The following CRHR2 variants were observed in gnomAD, a reference collection of about 807,000 sequenced individuals.
CRHR2 encodes the protein corticotropin releasing hormone receptor 2.
A neutral mutation model predicts 57.9 loss-of-function variants in CRHR2; 53 were observed. That is an observed-to-expected ratio of 0.92 (90% CI 0.73 to 1.15). CRHR2 has a LOEUF of 1.15. Among genes scored for constraint, CRHR2 ranks in the 50% most tolerant of loss-of-function variants. The probability of loss-of-function intolerance (pLI) is 0.00; values close to 1 mark genes in which losing one functional copy is unlikely to be tolerated. For missense variants in CRHR2, 532 were observed against 542.6 expected (o/e 0.98, Z 0.19); for synonymous variants, 213 against 220.9 (o/e 0.96, Z 0.32).
At chr7:30,689,292 A>T (rs255100) in intron 1 of CRHR2, 879,263 of 1,548,616 alleles carry the variant, frequency 0.57, 260,049 homozygotes, top group Non-Finnish European at 0.61. Flanking sequence ...TGCCTAGGGG[A>T]CAGCAAGGAT....
chr7:30,671,375 G>C (rs1784346410), intron 2 of CRHR2, among the ~76,000 whole-genome samples: 1 of 152,156 alleles, frequency 6.6e-6, no homozygotes, highest in African/African-American at 2.4e-5. Flanking sequence ...GGGACCATGA[G>C]GGACTACTTT....
intron 6 of CRHR2, 92 bp from the exon 7 acceptor site, chr7:30,662,308 C>A: frequency 6.9e-7 from 1 of 1,441,628 alleles, no homozygotes; most frequent in Non-Finnish European, 9.7e-7. Context: ...GGGCTAGGAT[C>A]ATGTTTTTAC....
chr7:30,660,696 C>A (rs1490909631), intron 7 of CRHR2, 51 bp from the exon 8 acceptor site: 1 of 1,527,612 alleles, frequency 6.5e-7, no homozygotes, highest in South Asian at 1.2e-5. Flanking sequence ...AACTGGGGGA[C>A]CCCCACAGAC....
intron 2 of CRHR2, among the ~76,000 whole-genome samples, chr7:30,681,693 G>A (rs1223165481): frequency 6.6e-6 from 1 of 152,220 alleles, no homozygotes; most frequent in Non-Finnish European, 1.5e-5. Flanking sequence ...ATGGAGCACG[G>A]GAATTGTGGG....
chr7:30,671,654 AAAAAT>A (rs1361871011), intron 2 of CRHR2, among the ~76,000 whole-genome samples: 2 of 149,896 alleles, frequency 1.3e-5, no homozygotes, highest in Non-Finnish European at 3.0e-5. Flanking sequence ...AAAAAAAAAA[AAAAAT>A]AGCCAGGCGT....
intron 8 of CRHR2, 123 bp downstream of exon 8, chr7:30,660,450 G>A: frequency 1.0e-6 from 1 of 955,334 alleles, no homozygotes; most frequent in African/African-American, 1.6e-5. Flanking sequence ...GGGTACGGGG[G>A]TGGCATATAG....
intron 2 of CRHR2, among the ~76,000 whole-genome samples, chr7:30,670,788 G>GGGTGCCCATTACCATAGCAACACA (rs1784331509): frequency 6.6e-6 from 1 of 152,240 alleles, no homozygotes; most frequent in South Asian, 2.1e-4. Context: ...GCAGAGAGGT[G>GGGTGCCCATTACCATAGCAACACA]GGTGCCCATT....
Position 30,662,597 on chromosome 7 carries a change from C to T in CRHR2, c.697+97G>A, listed in dbSNP as rs1784047119. 8.9e-6 allele frequency: 13 copies of T among 1,454,524 alleles called. No homozygotes were observed. In the South Asian group the frequency reaches 1.3e-4, roughly 15 times the overall value. The allele number at this position is 1,454,524 out of a possible 1,614,324, so 90.1% of individuals were successfully genotyped here. On this transcript the variant is annotated intron_variant, in intron 6 of 11. Coordinates refer to ENST00000471646, the MANE Select transcript of CRHR2 (RefSeq NM_001883.5). ...ACCGGACTGCGCTGGGGGTGGAGGG[C>T]AGGGCCAGGCTCTGGTCCTTGGACC...
intron 2 of CRHR2, among the ~76,000 whole-genome samples, chr7:30,677,397 G>A (rs976514501): frequency 6.6e-6 from 1 of 152,124 alleles, no homozygotes; most frequent in Non-Finnish European, 1.5e-5. Flanking sequence ...TGGAATATAA[G>A]TGCCCCACTT....
At position 30,656,077 on chromosome 7, in the gene CRHR2, A is replaced by T; in HGVS notation, c.832-65T>A. ...GAGCACGTGTTTGAGATGAGCCGAG[A>T]GGCAGCCCCCTTCCCCGCAGACCCC... is the stretch of plus-strand genomic sequence containing the variant. On this transcript the variant is annotated intron_variant, in intron 8 of 11. Coordinates refer to ENST00000471646, the MANE Select transcript of CRHR2 (RefSeq NM_001883.5). The surrounding 1 kb of genome is among the most constrained non-coding windows in gnomAD (Gnocchi z 4.4). 6.7e-7 allele frequency: 1 copy of T among 1,490,980 alleles called. No individual in the cohort carries two copies. Among genetic ancestry groups the T allele is most frequent in the Non-Finnish European group, 9.3e-7 (1 of 1,071,886 alleles). The allele number at this position is 1,490,980 out of a possible 1,614,324, so 92.4% of individuals were successfully genotyped here.
chr7:30,693,084 C>G (rs255106), intron 1 of CRHR2, among the ~76,000 whole-genome samples: 68,259 of 152,128 alleles, frequency 0.45, 18,764 homozygotes, highest in Non-Finnish European at 0.62. Context: ...AGGCAGACAC[C>G]TGGGTCACGG....
chr7:30,681,783 T>C (rs1285738071), intron 2 of CRHR2, 132 bp downstream of exon 2: 2 of 1,366,012 alleles, frequency 1.5e-6, no homozygotes, highest in East Asian at 5.4e-5. Flanking sequence ...TAAGGGGTCC[T>C]TAACGCCCGC....
intron 1 of CRHR2, among the ~76,000 whole-genome samples, chr7:30,694,118 G>T (rs1198945540): frequency 6.6e-6 from 1 of 152,238 alleles, no homozygotes; most frequent in Non-Finnish European, 1.5e-5. Flanking sequence ...CTGACTGACT[G>T]CTTGGATGGA....
At chr7:30,667,139 T>G in intron 3 of CRHR2, 89 bp downstream of exon 3, 2 of 1,164,080 alleles carry the variant, frequency 1.7e-6, no homozygotes, top group Admixed American at 3.5e-5. Context: ...ACAAAAGGAC[T>G]GGTCTGCCCC....
chr7:30,662,256 A>T (rs774166490), intron 6 of CRHR2, 40 bp from the exon 7 acceptor site: 1 of 1,608,144 alleles, frequency 6.2e-7, no homozygotes. Flanking sequence ...GGACAGATGG[A>T]CAGGGACTTT....
At chr7:30,700,050 G>A (rs916325102) in exon 1 of CRHR2, 2 of 1,385,316 alleles carry the variant, frequency 1.4e-6, no homozygotes, top group South Asian at 1.7e-5. Context: ...AGTGGCTGGG[G>A]GTTAGGGACT....
chr7:30,688,685 T>C (rs1300071144), intron 2 of CRHR2: 1 of 409,228 alleles, frequency 2.4e-6, no homozygotes, highest in Non-Finnish European at 4.9e-6. Context: ...GAGACATCTC[T>C]CTGGAACCCA....
chr7:30,687,859 G>A (rs1026897441), intron 2 of CRHR2, among the ~76,000 whole-genome samples: 3 of 152,194 alleles, frequency 2.0e-5, no homozygotes, highest in African/African-American at 7.2e-5. Context: ...GAAGGGAGGG[G>A]CCTCCATTTC....
intron 2 of CRHR2, among the ~76,000 whole-genome samples, chr7:30,669,714 G>T (rs1784298002): frequency 6.6e-6 from 1 of 152,048 alleles, no homozygotes; most frequent in Non-Finnish European, 1.5e-5. Flanking sequence ...GTTGATTTCT[G>T]CTTAAAGCCA....
Sources: allele counts gnomAD v4.1 joint callset (sites outside exome capture counted in the v4.1 genomes callset), GRCh38; gene constraint gnomAD v4.1.1; non-coding constraint Gnocchi (gnomAD v3.1); transcripts MANE v1.5; gene names NCBI Gene and HGNC (gene_info 2026-07-23, HGNC 2026-07-21).